The following PHACTR1 variants were observed in gnomAD, a reference collection of about 807,000 sequenced individuals.
PHACTR1 encodes phosphatase and actin regulator 1.
In PHACTR1, 16 loss-of-function variants were observed where a neutral mutation model predicts 69.2. The observed-to-expected ratio is 0.23, with a 90% CI of 0.16 to 0.35. The LOEUF (loss-of-function observed/expected upper bound fraction) is 0.35, where lower values mean the gene tolerates loss of function less well. Ranked by LOEUF, PHACTR1 falls within the 10% of genes least tolerant of loss-of-function variation. The pLI is 1.00. For missense variants in PHACTR1, 510 were observed against 734.7 expected (o/e 0.69, Z 3.54); for synonymous variants, 312 against 284.5 (o/e 1.10, Z -0.97).
intron 4 of PHACTR1, among the ~76,000 whole-genome samples, chr6:12,761,979 G>A (rs1768075508): frequency 1.3e-5 from 2 of 152,180 alleles, no homozygotes; most frequent in Admixed American, 6.5e-5. Flanking sequence ...CTGCCTTCCA[G>A]CAACATCCTT....
At chr6:12,752,482 T>C (rs377074012) in intron 4 of PHACTR1, among the ~76,000 whole-genome samples, 81 of 152,328 alleles carry the variant, frequency 5.3e-4, no homozygotes, top group African/African-American at 1.9e-3. Flanking sequence ...TCCAGAGAAA[T>C]TTTTTATTGG....
At chr6:12,722,055 G>T (rs1049361428) in intron 3 of PHACTR1, among the ~76,000 whole-genome samples, 1 of 152,234 alleles carries the variant, frequency 6.6e-6, no homozygotes, top group Admixed American at 6.5e-5. Context: ...GGCCAGTCCA[G>T]CCAGTGCAGA....
chr6:12,730,978 A>G (rs1195217885), intron 3 of PHACTR1, among the ~76,000 whole-genome samples: 2 of 141,064 alleles, frequency 1.4e-5, no homozygotes, highest in African/African-American at 5.2e-5. Context: ...TATGCAGAAT[A>G]TTACCTTTTT....
Position 13,283,750 on chromosome 6 carries a change from G to A in PHACTR1, c.1650+188G>A. ...AATCTGCGGAAAGGCTGCTGAATCG[G>A]AGAAAACACAAGGCACATAATACTG... On this transcript the variant is annotated intron_variant, in intron 13 of 14. Coordinates refer to ENST00000332995, the MANE Select transcript of PHACTR1 (RefSeq NM_030948.6). The surrounding 1 kb of genome is among the most constrained non-coding windows in gnomAD (Gnocchi z 4.7). 1.3e-6 allele frequency: 1 copy of A among 794,242 alleles called. No individual in the cohort carries two copies. Among genetic ancestry groups the A allele is most frequent in the Non-Finnish European group, 2.0e-6 (1 of 503,820 alleles). 49.2% of individuals were successfully genotyped at this position (794,242 alleles called of 1,614,324 possible). A position where few individuals can be genotyped will look rare whatever the true frequency, so the allele number is the denominator to read the frequency against.
chr6:13,152,796 A>G (rs1379330048), intron 5 of PHACTR1, among the ~76,000 whole-genome samples: 1 of 152,224 alleles, frequency 6.6e-6, no homozygotes, highest in Non-Finnish European at 1.5e-5. Flanking sequence ...TCCCAAGAGC[A>G]AGGGGCATGC....
At chr6:13,049,813 G>A (rs1004800043) in intron 4 of PHACTR1, among the ~76,000 whole-genome samples, 14 of 152,184 alleles carry the variant, frequency 9.2e-5, no homozygotes, top group African/African-American at 3.1e-4. Flanking sequence ...GGCCAGTACA[G>A]GAAATTAGAA....
chr6:12,849,759 G>A (rs1779651576), intron 4 of PHACTR1, among the ~76,000 whole-genome samples: 1 of 152,100 alleles, frequency 6.6e-6, no homozygotes, highest in African/African-American at 2.4e-5. Context: ...TGAGGGAAAT[G>A]TCTTTCTTCT....
chr6:13,030,025 T>C (rs996930547), intron 4 of PHACTR1, among the ~76,000 whole-genome samples: 1 of 152,190 alleles, frequency 6.6e-6, no homozygotes, highest in Admixed American at 6.5e-5. Context: ...ACGTTTAGAG[T>C]TGGTGGTAGG....
At chr6:13,023,323 G>A (rs1801248499) in intron 4 of PHACTR1, among the ~76,000 whole-genome samples, 1 of 152,126 alleles carries the variant, frequency 6.6e-6, no homozygotes. Flanking sequence ...GCTGGCACAT[G>A]TTACAAAGAG....
chr6:13,038,374 G>A (rs1400734254), intron 4 of PHACTR1, among the ~76,000 whole-genome samples: 1 of 151,846 alleles, frequency 6.6e-6, no homozygotes, highest in Non-Finnish European at 1.5e-5. Context: ...CTGAACCATG[G>A]GAAATTCCAT....
At chr6:13,118,471 A>ATTTTTTTTTTTTTTTTTTTTTTTTTTTT (rs140486749) in intron 5 of PHACTR1, among the ~76,000 whole-genome samples, 1 of 72,812 alleles carries the variant, frequency 1.4e-5, no homozygotes, top group Non-Finnish European at 2.6e-5. Flanking sequence ...AACCAGGGCC[A>ATTTTTTTTTTTTTTTTTTTTTTTTTTTT]TTTTTTTTTT....
intron 4 of PHACTR1, among the ~76,000 whole-genome samples, chr6:12,802,848 C>T (rs369693426): frequency 2.0e-5 from 3 of 152,208 alleles, no homozygotes; most frequent in Non-Finnish European, 2.9e-5. Flanking sequence ...CATTTTATTC[C>T]GAGAGAAGAC....
Position 13,176,712 on chromosome 6 carries a change from T to C in PHACTR1, c.497-5807T>C, listed in dbSNP as rs535383599. ...TACTATTCTATTTTTCGTACATTTT[T>C]ATTCTGGTTTTAAAGTTTTATTTTT... On this transcript the variant is annotated intron_variant, in intron 6 of 14. Coordinates refer to ENST00000332995, the MANE Select transcript of PHACTR1 (RefSeq NM_030948.6). Among the ~76,000 whole-genome samples the C allele has an allele frequency of 5.9e-5, 9 of 152,330 alleles. No individual in the cohort carries two copies. In the South Asian group the frequency reaches 1.7e-3, roughly 28 times the overall value.
chr6:13,234,974 C>CT (rs1403455094), intron 10 of PHACTR1, among the ~76,000 whole-genome samples: 1 of 152,150 alleles, frequency 6.6e-6, no homozygotes, highest in African/African-American at 2.4e-5. Context: ...TCATATGATC[C>CT]TTTTTAATAT....
At chr6:12,967,691 A>G (rs762982123) in intron 4 of PHACTR1, among the ~76,000 whole-genome samples, 7 of 152,204 alleles carry the variant, frequency 4.6e-5, no homozygotes, top group Non-Finnish European at 1.0e-4. Flanking sequence ...CATTCCCTAG[A>G]AATGGAACTG....
chr6:12,977,138 G>C (rs1248262503), intron 4 of PHACTR1, among the ~76,000 whole-genome samples: 1 of 152,110 alleles, frequency 6.6e-6, no homozygotes, highest in Non-Finnish European at 1.5e-5. Flanking sequence ...TTTTAGTAGA[G>C]ATAGGGTTTC....
chr6:13,200,468 G>C (rs1765061521), intron 7 of PHACTR1, among the ~76,000 whole-genome samples: 1 of 152,110 alleles, frequency 6.6e-6, no homozygotes, highest in Admixed American at 6.5e-5. Context: ...AAATCCAAAT[G>C]TCTGGCCCAA....
At chr6:12,856,533 G>A (rs1780388315) in intron 4 of PHACTR1, among the ~76,000 whole-genome samples, 1 of 152,196 alleles carries the variant, frequency 6.6e-6, no homozygotes, top group African/African-American at 2.4e-5. Context: ...TGGGATTACA[G>A]GCGTGAGCCA....
Position 13,000,538 on chromosome 6 carries a change from C to CA in PHACTR1, c.251-52820dup, listed in dbSNP as rs954271684. On this transcript the variant is annotated intron_variant, in intron 4 of 14. Transcript: ENST00000332995. Reference sequence around the variant, plus strand: ...ACTCCAGCCTCAGCGACAGAGTCTCCAAAAAAAGAGTAGGGGAGAGAGAGA... The same window carrying CA: ...ACTCCAGCCTCAGCGACAGAGTCTCCAAAAAAAAGAGTAGGGGAGAGAGAGA... Among the ~76,000 whole-genome samples, 20 of 144,278 alleles carry CA rather than the reference C, an allele frequency of 1.4e-4. No individual in the cohort carries two copies. In the Middle Eastern group the frequency reaches 0.019, roughly 134 times the overall value. The allele number at this position is 144,278 out of a possible 152,430, so 94.7% of individuals were successfully genotyped here. A position where few individuals can be genotyped will look rare whatever the true frequency, so the allele number is the denominator to read the frequency against.
Sources: gnomAD v4.1 joint callset for allele counts (sites outside exome capture counted in the v4.1 genomes callset) on GRCh38, gnomAD v4.1.1 for gene constraint, Gnocchi (gnomAD v3.1) non-coding constraint, MANE v1.5 for transcripts, NCBI Gene and HGNC (gene_info 2026-07-23, HGNC 2026-07-21) for gene names.